Variants in ITIH5 observed in about 807,000 individuals in gnomAD.
ITIH5 encodes the protein inter-alpha-trypsin inhibitor heavy chain H5.
Under a neutral mutation model 77.5 loss-of-function variants are expected in ITIH5, and 65 were observed. That is an observed-to-expected ratio of 0.84 (90% confidence interval 0.69 to 1.03). The LOEUF is 1.03. Among genes scored for constraint, ITIH5 ranks in the 50% least tolerant of loss-of-function variants. ITIH5 has a pLI of 0.00. For synonymous variants in ITIH5, 525 were observed against 494.3 expected (o/e 1.06, Z -0.82); for missense variants, 1,208 against 1,213.1 (o/e 1.00, Z 0.06).
In ITIH5 at chr10:7,566,109, C is replaced by A; in HGVS notation, c.2448G>T (p.Pro816=). The change falls in exon 13 of 14, where the codon CCG becomes CCT. Residue 816 remains proline, a synonymous_variant. Coordinates refer to ENST00000397146, the MANE Select transcript of ITIH5 (RefSeq NM_030569.7). ...FVILIHLYKK[P]APFQRHHLGF... ...CCAGGTGGTGTCGCTGGAAGGGCGC[C>A]GGCTTTTTGTAGAGGTGGATGAGGA... 1 of 1,614,040 alleles carries A rather than the reference C, an allele frequency of 6.2e-7. No homozygotes were observed. The highest frequency in any genetic ancestry group is 8.5e-7 in the Non-Finnish European group (1 of 1,180,006).
Position 7,573,180 on chromosome 10 carries a change from T to C in ITIH5, c.1994A>G (p.Lys665Arg). The C allele has an allele frequency of 6.2e-7, 1 of 1,613,714 alleles. No homozygotes were observed. The highest frequency in any genetic ancestry group is 1.3e-5 in the African/African-American group (1 of 74,996). The part of the protein sequence containing the change: ...AGTQPGPLLK[K>R]PYQPRIKISK... ...GATTTTAATTCTTGGCTGGTATGGC[T>C]TCTTGAGCAAAGGTCCTAAAAGGGA... The change falls in exon 11 of 14, where the codon AAG (lysine) becomes AGG (arginine). Residue 665 changes from lysine (K) to arginine (R), a missense_variant. By Grantham distance (26) the Lys-to-Arg change is conservative (BLOSUM62 2). Coordinates refer to ENST00000397146, the MANE Select transcript of ITIH5 (RefSeq NM_030569.7).
chr10:7,644,915 TATATATATCAC>T lies in ITIH5; in HGVS notation c.136-2836_136-2826del, dbSNP rs1392487882. On this transcript the variant is annotated intron_variant, in intron 2 of 13. Transcript: ENST00000397146. ...ATATATATCACATATATATATCACA[TATATATATCAC>T]ATATATATATCACATATATATATAT... Among the ~76,000 whole-genome samples the T allele has an allele frequency of 6.0e-3, 555 of 92,558 alleles. 33 individuals are homozygous for T. Among genetic ancestry groups the T allele is most frequent in the African/African-American group, 0.021 (496 of 23,642 alleles). 60.7% of individuals were successfully genotyped at this position (92,558 alleles called of 152,430 possible).
intron 5 of ITIH5, among the ~76,000 whole-genome samples, chr10:7,629,560 T>C (rs546551320): frequency 6.6e-6 from 1 of 151,124 alleles, no homozygotes; most frequent in East Asian, 1.9e-4. Context: ...TGCATCCATG[T>C]TATCATATGT....
chr10:7,617,210 G>C lies in ITIH5; in HGVS notation c.725C>G (p.Thr242Ser), dbSNP rs1427456012. Residue 242 changes from threonine to serine, a missense_variant, in exon 6 of 14, where the codon ACT becomes AGT. Coordinates refer to ENST00000397146, the MANE Select transcript of ITIH5 (RefSeq NM_030569.7). ...ETFANIIFKP[T>S]VVQQARIAQN... ...GGCAATCCTGGCTTGTTGTACTACA[G>C]TAGGTTTAAAAATTATGTTGGCAAA... The C allele has an allele frequency of 1.9e-6, 3 of 1,603,452 alleles. No homozygotes were observed. Among genetic ancestry groups the C allele is most frequent in the Non-Finnish European group, 2.6e-6 (3 of 1,175,300 alleles).
At chr10:7,659,504 T>C (rs1834242405) in intron 1 of ITIH5, among the ~76,000 whole-genome samples, 1 of 152,232 alleles carries the variant, frequency 6.6e-6, no homozygotes, top group South Asian at 2.1e-4. Flanking sequence ...CAGTCTTGCA[T>C]GATCATCTCT....
In ITIH5 at chr10:7,597,045, A is replaced by C. The variant is rs1421534179; in HGVS notation, c.940-10976T>G. 9.6e-5 allele frequency among the ~76,000 whole-genome samples: 6 copies of C among 62,536 alleles called. 1 individual carries two copies. The highest frequency in any genetic ancestry group is 2.9e-4 in the African/African-American group (4 of 13,770). 41.0% of individuals were successfully genotyped at this position (62,536 alleles called of 152,430 possible). A position where few individuals can be genotyped will look rare whatever the true frequency, so the allele number is the denominator to read the frequency against. ...TGGGTGCAGAGTGAGTCTCCAACTC[A>C]AAAAAAAAAAAAAAAAAAATTCCAC... On this transcript the variant is annotated intron_variant, in intron 7 of 13. Transcript: ENST00000397146.
At chr10:7,582,066 C>T (rs4749030) in intron 8 of ITIH5, among the ~76,000 whole-genome samples, 17,084 of 151,166 alleles carry the variant, frequency 0.11, 1,243 homozygotes, top group Non-Finnish European at 0.16. Flanking sequence ...TTAGTAGAGA[C>T]GGGTTTCACC....
chr10:7,620,648 C>G (rs953359277), intron 5 of ITIH5: 1 of 151,388 alleles, frequency 6.6e-6, no homozygotes, highest in African/African-American at 2.4e-5. Context: ...ACAGGCATTC[C>G]CCGGCATGGA....
At chr10:7,569,993 T>C in intron 11 of ITIH5, 1 of 474,506 alleles carries the variant, frequency 2.1e-6, no homozygotes, top group Non-Finnish European at 3.7e-6. Context: ...AGTAAACATT[T>C]GACTTCAGGT....
At chr10:7,598,908 T>A (rs2131002219) in intron 7 of ITIH5, among the ~76,000 whole-genome samples, 1 of 152,342 alleles carries the variant, frequency 6.6e-6, no homozygotes, top group Middle Eastern at 3.4e-3. Flanking sequence ...CTAATTCCAT[T>A]AATCTTTGTG....
At chr10:7,593,233 C>A (rs1366135039) in intron 7 of ITIH5, among the ~76,000 whole-genome samples, 1 of 152,076 alleles carries the variant, frequency 6.6e-6, no homozygotes, top group South Asian at 2.1e-4. Context: ...TTGCGTGCAC[C>A]AGGGAAGGCA....
chr10:7,657,840 T>C (rs1232405311), intron 1 of ITIH5, among the ~76,000 whole-genome samples: 1 of 152,220 alleles, frequency 6.6e-6, no homozygotes, highest in East Asian at 1.9e-4. Flanking sequence ...AACTGCCTTT[T>C]CTTCAGCACA....
Position 7,585,548 on chromosome 10 carries a change from T to C in ITIH5, c.1108+353A>G, listed in dbSNP as rs559600471. 3.3e-5 allele frequency among the ~76,000 whole-genome samples: 5 copies of C among 152,286 alleles called. No homozygotes were observed. In the East Asian group the frequency reaches 9.6e-4, roughly 29 times the overall value. The stretch of plus-strand genomic sequence containing the variant: ...AAGGTGCGCACGAAACACTGGCTGG[T>C]CCACGTGGCTGTAATTCTCCACCCC... On this transcript the variant is annotated intron_variant, in intron 8 of 13. Transcript: ENST00000397146.
At position 7,650,822 on chromosome 10, in the gene ITIH5, G is replaced by A. The variant is rs190057819; in HGVS notation, c.135+4809C>T. 1.8e-3 allele frequency among the ~76,000 whole-genome samples: 276 copies of A among 152,054 alleles called. 1 individual carries two copies. Among genetic ancestry groups the A allele is most frequent in the African/African-American group, 6.3e-3 (260 of 41,478 alleles). On this transcript the variant is annotated intron_variant, in intron 2 of 13. Transcript: ENST00000397146. ...CCCCAACTGCTAGATTTACCACCTC[G>A]GGGAAATCATTTTACCCCTCTGTAG...
chr10:7,609,343 T>G, intron 7 of ITIH5: 1 of 419,238 alleles, frequency 2.4e-6, no homozygotes, highest in Non-Finnish European at 4.7e-6. Context: ...CCACTGTCTG[T>G]GAAGAGTTGG....
chr10:7,563,336 G>T lies in ITIH5; in HGVS notation c.2576C>A (p.Pro859His). ...CAGAGGGTGAGTGAGGTTCTGGCTG[G>T]GCCCTGCAGGGTCTTCTGTGAGTCT... ...DARLTEDPAGPSQNLTHPLLL... is the reference protein window; with the variant it reads ...DARLTEDPAGHSQNLTHPLLL... The change falls in exon 14 of 14, where the codon CCC (proline) becomes CAC (histidine). Residue 859 changes from proline (P) to histidine (H), a missense_variant. Transcript: ENST00000397146. 6.2e-7 allele frequency: 1 copy of T among 1,614,140 alleles called. No homozygotes were observed.
chr10:7,576,916 GT>G lies in ITIH5; in HGVS notation c.1514del (p.Asn505ThrfsTer37). The stretch of plus-strand genomic sequence containing the variant: ...TGATGATCTCCGAGCCGTTGAAGTA[GT>G]TGGGGAACAGGGTCTTGGTGGCCTG... ...VVQATKTLFPNYFNGSEIIIA... is the reference protein window; with the variant it reads ...VVQATKTLFPXYFNGSEIIIA... On this transcript the variant is annotated frameshift_variant, in exon 10 of 14. Transcript: ENST00000397146. LOFTEE classifies it high-confidence loss of function. 6.2e-7 allele frequency: 1 copy of G among 1,614,184 alleles called. No homozygotes were observed. The highest frequency in any genetic ancestry group is 8.5e-7 in the Non-Finnish European group (1 of 1,180,040).
intron 7 of ITIH5, among the ~76,000 whole-genome samples, chr10:7,612,872 G>A (rs1833278238): frequency 6.6e-6 from 1 of 152,126 alleles, no homozygotes. Context: ...AAGAAGCCAT[G>A]GTTATTCTTC....
At chr10:7,644,496 A>ATAT (rs543676977) in intron 2 of ITIH5, among the ~76,000 whole-genome samples, 5 of 64,908 alleles carry the variant, frequency 7.7e-5, no homozygotes, top group South Asian at 5.0e-4. Context: ...TATATATCAT[A>ATAT]ATCACATATA....
Sources: gnomAD v4.1 joint callset for allele counts (sites outside exome capture counted in the v4.1 genomes callset) on GRCh38, gnomAD v4.1.1 for gene constraint, MANE v1.5 for transcripts, NCBI Gene and HGNC (gene_info 2026-07-23, HGNC 2026-07-21) for gene names.